STX7: variants seen among roughly 807,000 people sequenced by gnomAD.
STX7 encodes syntaxin-7.
STX7 carries 34 observed loss-of-function variants against 39.6 expected under a neutral mutation model. The ratio of observed to expected loss-of-function variants is 0.86; its 90% CI spans 0.65 to 1.14. The LOEUF (loss-of-function observed/expected upper bound fraction) is 1.14. Ranked by LOEUF, STX7 falls within the 50% of genes most tolerant of loss-of-function variation. STX7 has a pLI of 0.00. For missense variants in STX7, 284 were observed against 310.4 expected, an observed-to-expected ratio of 0.92 and a Z score of 0.64; for synonymous variants, 119 against 99.1, an observed-to-expected ratio of 1.20 and a Z score of -1.19.
chr6:132,487,403 C>T (rs1451726991), intron 2 of STX7, among the ~76,000 whole-genome samples: 1 of 152,170 alleles, frequency 6.6e-6, no homozygotes, highest in Non-Finnish European at 1.5e-5. Flanking sequence ...TGCATGTTCT[C>T]ACTCATAAGT....
chr6:132,475,772 C>A, intron 2 of STX7, 110 bp from the exon 3 acceptor site: 1 of 543,738 alleles, frequency 1.8e-6, no homozygotes, highest in South Asian at 4.0e-5. Flanking sequence ...GACAGAAAAA[C>A]AAAGATGAAA....
At chr6:132,463,968 A>T in intron 9 of STX7, 25 bp downstream of exon 9, 1 of 1,611,806 alleles carries the variant, frequency 6.2e-7, no homozygotes, top group Non-Finnish European at 8.5e-7. Flanking sequence ...ATAAGTTATA[A>T]GAAAATTGAT....
chr6:132,494,872 A>G (rs1775385153), intron 2 of STX7, among the ~76,000 whole-genome samples: 1 of 152,228 alleles, frequency 6.6e-6, no homozygotes, highest in Non-Finnish European at 1.5e-5. Flanking sequence ...AGAAGACGGA[A>G]AGAGGCAGGA....
Position 132,503,594 on chromosome 6 carries a change from T to C in STX7, c.-58-6A>G, listed in dbSNP as rs1775632118. ...GCAGTTTTCTAAGCAGTCACCTAAA[T>C]AATATAAAAGTCACACAGATATATT... On this transcript the variant is annotated splice_polypyrimidine_tract_variant and splice_region_variant and intron_variant, in intron 1 of 9. Transcript: ENST00000367941. The C allele has an allele frequency of 3.1e-6, 4 of 1,296,758 alleles. No homozygotes were observed. The South Asian group carries it at 3.7e-5, about 12-fold the overall frequency. 80.3% of individuals were successfully genotyped at this position (1,296,758 alleles called of 1,614,324 possible).
intron 1 of STX7, among the ~76,000 whole-genome samples, chr6:132,510,192 AATTT>A (rs1775811958): frequency 1.3e-5 from 2 of 152,324 alleles, no homozygotes; most frequent in South Asian, 2.1e-4. Flanking sequence ...AATTAATTAC[AATTT>A]ATTGCATATT....
chr6:132,462,520 G>A (rs1774434228), intron 9 of STX7, among the ~76,000 whole-genome samples: 1 of 151,716 alleles, frequency 6.6e-6, no homozygotes, highest in Non-Finnish European at 1.5e-5. Flanking sequence ...GTCACTGATG[G>A]ATCCTGTTAA....
rs1158326856 is a variant in STX7, at chr6:132,509,519, TA to T, written c.-59+3487del. ...TAACATAACATAACATAACATAAAA[TA>T]AAAAAAGACAAAAGAAAAACCAAAT... On this transcript the variant is annotated intron_variant, in intron 1 of 9. Coordinates refer to ENST00000367941, the MANE Select transcript of STX7 (RefSeq NM_003569.3). 1.5e-4 allele frequency among the ~76,000 whole-genome samples: 21 copies of T among 143,202 alleles called. 1 individual carries two copies. In the South Asian group the frequency reaches 4.2e-3, roughly 29 times the overall value. The allele number at this position is 143,202 out of a possible 152,430, so 93.9% of individuals were successfully genotyped here.
intron 8 of STX7, among the ~76,000 whole-genome samples, chr6:132,467,266 C>T (rs564442668): frequency 5.3e-5 from 8 of 152,286 alleles, no homozygotes; most frequent in Admixed American, 2.0e-4. Context: ...TGCCTCAAGG[C>T]CTTTGTACTC....
chr6:132,483,155 C>T (rs931421565), intron 2 of STX7, among the ~76,000 whole-genome samples: 1 of 152,092 alleles, frequency 6.6e-6, no homozygotes, highest in African/African-American at 2.4e-5. Context: ...GGTTCCATGC[C>T]TCCCTCCATC....
At chr6:132,478,094 T>C (rs1006370963) in intron 2 of STX7, among the ~76,000 whole-genome samples, 1 of 151,642 alleles carries the variant, frequency 6.6e-6, no homozygotes, top group African/African-American at 2.4e-5. Flanking sequence ...ATTTAGAAAA[T>C]GTCAGACAAT....
intron 2 of STX7, among the ~76,000 whole-genome samples, chr6:132,489,922 T>C (rs1775234808): frequency 6.6e-6 from 1 of 152,234 alleles, no homozygotes; most frequent in Non-Finnish European, 1.5e-5. Context: ...GGCACAGTTC[T>C]TAAAAATAAA....
intron 2 of STX7, among the ~76,000 whole-genome samples, chr6:132,496,164 C>T (rs534778689): frequency 6.6e-6 from 1 of 152,264 alleles, no homozygotes; most frequent in South Asian, 2.1e-4. Flanking sequence ...AACTTCTATA[C>T]TCATAAATTC....
chr6:132,481,307 A>T (rs1289610102), intron 2 of STX7, among the ~76,000 whole-genome samples: 1 of 152,200 alleles, frequency 6.6e-6, no homozygotes, highest in Admixed American at 6.5e-5. Flanking sequence ...ACTGAGAAGT[A>T]GCACCACAGA....
rs765932011 is a variant in STX7 at position 132,472,383 on chromosome 6, G to A, written c.156-8C>T. On this transcript the variant is annotated splice_region_variant and splice_polypyrimidine_tract_variant and intron_variant, in intron 3 of 9. Transcript: ENST00000367941. ...TACTGCTGCTTCTGTTGCCTAAAGT[G>A]AGAAAACACGCATTACAGCCAAAGG... 6.2e-7 allele frequency: 1 copy of A among 1,602,374 alleles called. No individual in the cohort carries two copies. The highest frequency in any genetic ancestry group is 1.1e-5 in the South Asian group (1 of 89,386).
At chr6:132,489,030 CAT>C (rs1775211159) in intron 2 of STX7, among the ~76,000 whole-genome samples, 1 of 151,722 alleles carries the variant, frequency 6.6e-6, no homozygotes, top group South Asian at 2.1e-4. Flanking sequence ...GGCGAAAACC[CAT>C]CTCTTCTAAA....
At chr6:132,504,213 A>C (rs1331631845) in intron 1 of STX7, among the ~76,000 whole-genome samples, 1 of 152,206 alleles carries the variant, frequency 6.6e-6, no homozygotes, top group Non-Finnish European at 1.5e-5. Flanking sequence ...ATGTATGATT[A>C]ATAGGGCTCT....
At position 132,449,846 on chromosome 6, in the gene STX7, A is replaced by T. The variant is rs1283253355; in HGVS notation, c.*10912T>A. On this transcript the variant is annotated 3_prime_UTR_variant, in exon 10 of 10. Transcript: ENST00000367941. Reference sequence around the variant, plus strand: ...AATACCTGAATTCCTTGAATATCTAAATCTACTGTTTCTCAATGCAAATGG... The same window carrying T: ...AATACCTGAATTCCTTGAATATCTATATCTACTGTTTCTCAATGCAAATGG... 1 of 152,174 alleles carries T rather than the reference A, an allele frequency of 6.6e-6. No homozygotes were observed. The highest frequency in any genetic ancestry group is 1.5e-5 in the Non-Finnish European group (1 of 68,034). The allele number at this position is 152,174 out of a possible 1,614,324, so 9.4% of individuals were successfully genotyped here.
intron 1 of STX7, among the ~76,000 whole-genome samples, chr6:132,508,010 A>G (rs773328052): frequency 6.6e-6 from 1 of 152,210 alleles, no homozygotes; most frequent in Non-Finnish European, 1.5e-5. Flanking sequence ...TAGCAACTGG[A>G]AATTTCTACT....
chr6:132,461,508 C>T (rs1489427615), intron 9 of STX7, among the ~76,000 whole-genome samples: 2 of 151,840 alleles, frequency 1.3e-5, no homozygotes, highest in African/African-American at 4.8e-5. Flanking sequence ...GACGGAGTTT[C>T]ACCATGTTGG....
Sources: gnomAD v4.1 joint callset for allele counts (sites outside exome capture counted in the v4.1 genomes callset) on GRCh38, gnomAD v4.1.1 for gene constraint, MANE v1.5 for transcripts, NCBI Gene and HGNC (gene_info 2026-07-23, HGNC 2026-07-21) for gene names.